TNS3: variants seen among roughly 807,000 people sequenced by gnomAD.
TNS3 encodes tensin 3, also known as tensin-3.
In TNS3, 45 loss-of-function variants were observed where a neutral mutation model predicts 140.9. The observed-to-expected ratio is 0.32, with a 90% CI of 0.25 to 0.41. TNS3 has a LOEUF of 0.41. Among genes scored for constraint, TNS3 ranks in the 10% least tolerant of loss-of-function variants. The probability of loss-of-function intolerance (pLI) is 1.00; values close to 1 mark genes in which losing one functional copy is unlikely to be tolerated. For synonymous variants in TNS3, 815 were observed against 788.4 expected (o/e 1.03, Z -0.56); for missense variants, 1,716 against 1,906.7 (o/e 0.90, Z 1.86).
intron 1 of TNS3, among the ~76,000 whole-genome samples, chr7:47,537,944 C>CA (rs1799662970): frequency 1.3e-5 from 2 of 151,794 alleles, no homozygotes; most frequent in Non-Finnish European, 1.5e-5. Flanking sequence ...CCCTATCTCC[C>CA]AGCCTATCCC....
Position 47,368,365 on chromosome 7 carries a change from C to G in TNS3, c.2281G>C (p.Gly761Arg). Reference protein sequence around the residue: ...EGPSRATGRQGSSAEQPLGGR... With the variant: ...EGPSRATGRQRSSAEQPLGGR... ...CACCTCCCATGGAGACCCAGCTCAC[C>G]TTGCCGCCCGGTGGCCCTGCTGGGG... is the stretch of plus-strand genomic sequence containing the variant. Residue 761 changes from glycine to arginine, a missense_variant and splice_region_variant, in exon 17 of 31, where the codon GGC (glycine) becomes CGC (arginine). This residue lies in a region of TNS3 where 1,163 missense variants were observed against 1,182.1 expected (regional missense o/e 0.98). Coordinates refer to ENST00000311160, the MANE Select transcript of TNS3 (RefSeq NM_022748.12). The G allele has an allele frequency of 8.1e-6, 12 of 1,483,260 alleles. No individual in the cohort carries two copies. Among genetic ancestry groups the G allele is most frequent in the Non-Finnish European group, 1.1e-5 (12 of 1,116,964 alleles). 91.9% of individuals were successfully genotyped at this position (1,483,260 alleles called of 1,614,324 possible). A position where few individuals can be genotyped will look rare whatever the true frequency, so the allele number is the denominator to read the frequency against.
At chr7:47,316,051 T>C (rs1787375000) in intron 20 of TNS3, among the ~76,000 whole-genome samples, 1 of 150,566 alleles carries the variant, frequency 6.6e-6, no homozygotes, top group African/African-American at 2.4e-5. Flanking sequence ...ATATTCACAA[T>C]AAACTTTCAG....
At chr7:47,529,235 T>C (rs1799307697) in intron 1 of TNS3, 88 bp from the exon 2 acceptor site, 1 of 748,316 alleles carries the variant, frequency 1.3e-6, no homozygotes. Flanking sequence ...ATAAATCTAG[T>C]GGAATTGTAA....
intron 3 of TNS3, among the ~76,000 whole-genome samples, chr7:47,488,526 G>T (rs1383749265): frequency 6.6e-6 from 1 of 152,178 alleles, no homozygotes; most frequent in Non-Finnish European, 1.5e-5. Flanking sequence ...TTCCTTGTGT[G>T]TGTCTGTGTC....
chr7:47,424,051 T>C (rs770983813), intron 10 of TNS3, 50 bp downstream of exon 10: 31 of 1,570,180 alleles, frequency 2.0e-5, no homozygotes, highest in Middle Eastern at 1.7e-4. Context: ...CATTTTTATA[T>C]GTAAAATTTC....
chr7:47,496,773 C>T (rs1017751228), intron 3 of TNS3, among the ~76,000 whole-genome samples: 40 of 152,204 alleles, frequency 2.6e-4, no homozygotes, highest in African/African-American at 8.0e-4. Flanking sequence ...CAGGCAGGGA[C>T]ACCTGCAGCA....
At chr7:47,520,772 C>T (rs545839430) in intron 2 of TNS3, among the ~76,000 whole-genome samples, 2 of 152,266 alleles carry the variant, frequency 1.3e-5, no homozygotes, top group South Asian at 2.1e-4. Flanking sequence ...GAGATTCTGT[C>T]GTGTTGCCAC....
At chr7:47,494,381 T>C (rs926485457) in intron 3 of TNS3, among the ~76,000 whole-genome samples, 1 of 152,204 alleles carries the variant, frequency 6.6e-6, no homozygotes, top group Non-Finnish European at 1.5e-5. Flanking sequence ...AAATGCTTTT[T>C]AGAAGTAAAG....
intron 15 of TNS3, 90 bp from the exon 16 acceptor site, chr7:47,396,994 G>T: frequency 2.2e-6 from 2 of 918,916 alleles, no homozygotes; most frequent in South Asian, 2.8e-5. Context: ...TGAGCAGCCT[G>T]ACTTGAGCAG....
intron 7 of TNS3, among the ~76,000 whole-genome samples, chr7:47,436,344 T>C (rs1304350512): frequency 6.6e-6 from 1 of 152,204 alleles, no homozygotes; most frequent in Non-Finnish European, 1.5e-5. Context: ...TATTTCAACA[T>C]ATAGAATATA....
At chr7:47,456,296 G>A (rs1011388716) in intron 4 of TNS3, among the ~76,000 whole-genome samples, 1 of 152,114 alleles carries the variant, frequency 6.6e-6, no homozygotes, top group African/African-American at 2.4e-5. Flanking sequence ...TCAGCAATGG[G>A]GGGAGTATTT....
At chr7:47,448,844 C>T (rs1218651389) in intron 4 of TNS3, among the ~76,000 whole-genome samples, 1 of 152,170 alleles carries the variant, frequency 6.6e-6, no homozygotes, top group Admixed American at 6.5e-5. Flanking sequence ...GTTTCCAAAA[C>T]CTCACAGTAT....
intron 20 of TNS3, among the ~76,000 whole-genome samples, chr7:47,336,423 T>C (rs1788635703): frequency 6.6e-6 from 1 of 152,304 alleles, no homozygotes; most frequent in East Asian, 1.9e-4. Flanking sequence ...TGGGCATTCA[T>C]CCCCCTTGGC....
At chr7:47,347,857 G>A (rs538827951) in intron 17 of TNS3, among the ~76,000 whole-genome samples, 5 of 152,264 alleles carry the variant, frequency 3.3e-5, no homozygotes, top group African/African-American at 1.2e-4. Context: ...TTTCTTTATG[G>A]GTAAAATGAG....
At chr7:47,295,653 G>A (rs1373430235) in intron 24 of TNS3, among the ~76,000 whole-genome samples, 2 of 152,096 alleles carry the variant, frequency 1.3e-5, no homozygotes, top group East Asian at 1.9e-4. Context: ...GTAGCCACAG[G>A]CTTCGGGGCT....
chr7:47,489,608 A>G (rs1034026161), intron 3 of TNS3, among the ~76,000 whole-genome samples: 6 of 152,264 alleles, frequency 3.9e-5, no homozygotes, highest in African/African-American at 1.4e-4. Flanking sequence ...CAGGCAAACA[A>G]GTTACCACTG....
intron 13 of TNS3, among the ~76,000 whole-genome samples, 161 bp from the exon 14 acceptor site, chr7:47,401,075 G>A (rs1014333675): frequency 4.6e-5 from 7 of 152,232 alleles, no homozygotes; most frequent in African/African-American, 1.2e-4. Flanking sequence ...GGGCACAGGC[G>A]CCTGCAGACA....
At chr7:47,448,717 C>G (rs1004927237) in intron 4 of TNS3, among the ~76,000 whole-genome samples, 1 of 152,158 alleles carries the variant, frequency 6.6e-6, no homozygotes, top group Non-Finnish European at 1.5e-5. Context: ...TGACCTCAGG[C>G]AATCCACCCA....
chr7:47,276,088 G>T lies in TNS3; in HGVS notation c.*1988C>A. The T allele has an allele frequency of 3.6e-6, 1 of 280,970 alleles. No individual in the cohort carries two copies. The highest frequency in any genetic ancestry group is 7.1e-6 in the Non-Finnish European group (1 of 141,310). 17.4% of individuals were successfully genotyped at this position (280,970 alleles called of 1,614,324 possible). On this transcript the variant is annotated 3_prime_UTR_variant, in exon 31 of 31. Transcript: ENST00000311160. ...TCCCTGTGGCCACATTCCTGCAGTG[G>T]ATGAAAAACCGAGATGCTAGAGGCC... is the stretch of plus-strand genomic sequence containing the variant.
Sources: allele counts gnomAD v4.1 joint callset (sites outside exome capture counted in the v4.1 genomes callset), GRCh38; gene constraint gnomAD v4.1.1; regional missense constraint gnomAD v4.1.1; transcripts MANE v1.5; gene names NCBI Gene and HGNC (gene_info 2026-07-23, HGNC 2026-07-21).